Variants in GALNT17 observed in about 807,000 individuals in gnomAD.
The protein encoded by GALNT17 is polypeptide N-acetylgalactosaminyltransferase 17.
GALNT17 carries 29 observed loss-of-function variants against 63.7 expected under a neutral mutation model. That is an observed-to-expected ratio of 0.46 (90% CI 0.34 to 0.62). GALNT17 has a LOEUF of 0.62. Ranked by LOEUF, GALNT17 falls within the 20% of genes least tolerant of loss-of-function variation. The probability of loss-of-function intolerance (pLI) is 0.01; values close to 1 mark genes in which losing one functional copy is unlikely to be tolerated. For synonymous variants in GALNT17, 305 were observed against 318.3 expected (o/e 0.96, Z 0.45); for missense variants, 603 against 799.6 (o/e 0.75, Z 2.97).
intron 1 of GALNT17, among the ~76,000 whole-genome samples, chr7:71,189,252 G>A (rs1182283835): frequency 6.6e-6 from 1 of 152,172 alleles, no homozygotes; most frequent in Non-Finnish European, 1.5e-5. Flanking sequence ...CGCCATGTAA[G>A]ATGTGCCTTT....
chr7:71,587,953 A>C (rs2116911363), intron 6 of GALNT17, among the ~76,000 whole-genome samples: 1 of 152,336 alleles, frequency 6.6e-6, no homozygotes, highest in South Asian at 2.1e-4. Context: ...TGGCACAAGA[A>C]GAAGTTCCTG....
chr7:71,189,400 C>T (rs1793887507), intron 1 of GALNT17, among the ~76,000 whole-genome samples: 2 of 152,188 alleles, frequency 1.3e-5, no homozygotes, highest in South Asian at 4.2e-4. Flanking sequence ...ACAGCTTTTC[C>T]GGGGGTCCTT....
At chr7:71,524,869 T>C (rs2116762835) in intron 5 of GALNT17, among the ~76,000 whole-genome samples, 1 of 152,306 alleles carries the variant, frequency 6.6e-6, no homozygotes, top group Middle Eastern at 3.4e-3. Flanking sequence ...TTTGGAGTCT[T>C]CACATTGTAG....
At chr7:71,375,985 A>G (rs1158604249) in intron 2 of GALNT17, among the ~76,000 whole-genome samples, 1 of 152,118 alleles carries the variant, frequency 6.6e-6, no homozygotes, top group East Asian at 1.9e-4. Flanking sequence ...GGGCTGAGGT[A>G]GGATAATCAG....
At chr7:71,634,712 C>T (rs1002171785) in intron 6 of GALNT17, among the ~76,000 whole-genome samples, 4 of 142,956 alleles carry the variant, frequency 2.8e-5, no homozygotes, top group Admixed American at 7.3e-5. Context: ...CGAGATGGTA[C>T]TACTGCACTC....
At chr7:71,338,358 A>AAT (rs139286792) in intron 2 of GALNT17, among the ~76,000 whole-genome samples, 47,086 of 147,880 alleles carry the variant, frequency 0.32, 8,220 homozygotes, top group Non-Finnish European at 0.39. Context: ...AAAATAAATA[A>AAT]ATATATATAT....
intron 1 of GALNT17, among the ~76,000 whole-genome samples, chr7:71,170,825 T>A (rs1788534551): frequency 6.6e-6 from 1 of 152,202 alleles, no homozygotes; most frequent in Non-Finnish European, 1.5e-5. Context: ...TGGGGTCATA[T>A]GATTTCGAAC....
At chr7:71,403,582 G>A (rs908727083) in intron 3 of GALNT17, among the ~76,000 whole-genome samples, 14 of 152,198 alleles carry the variant, frequency 9.2e-5, no homozygotes, top group Admixed American at 6.5e-4. Flanking sequence ...GTAACTTAAC[G>A]TGGACATTTC....
chr7:71,426,227 GC>G (rs1273829676), intron 5 of GALNT17, among the ~76,000 whole-genome samples: 1 of 152,182 alleles, frequency 6.6e-6, no homozygotes. Context: ...GTCACTCAAA[GC>G]CACAGGAGCA....
At chr7:71,314,464 G>T (rs550779319) in intron 1 of GALNT17, among the ~76,000 whole-genome samples, 1 of 152,266 alleles carries the variant, frequency 6.6e-6, no homozygotes, top group African/African-American at 2.4e-5. Context: ...AGGCCTTTCA[G>T]TGCTAGTCAA....
chr7:71,710,498 A>C (rs1351753602), intron 9 of GALNT17, among the ~76,000 whole-genome samples: 1 of 151,980 alleles, frequency 6.6e-6, no homozygotes, highest in Non-Finnish European at 1.5e-5. Flanking sequence ...ACAGAGTGAG[A>C]CTCCATCTCA....
intron 6 of GALNT17, among the ~76,000 whole-genome samples, chr7:71,623,170 A>G (rs919650471): frequency 6.6e-5 from 10 of 152,062 alleles, no homozygotes; most frequent in African/African-American, 2.4e-4. Flanking sequence ...AAACTTCCTG[A>G]ATGCAAACCC....
chr7:71,712,366 C>A lies in GALNT17; in HGVS notation c.*220C>A. The A allele has an allele frequency of 2.2e-6, 1 of 453,664 alleles. No homozygotes were observed. Among genetic ancestry groups the A allele is most frequent in the East Asian group, 4.6e-5 (1 of 21,646 alleles). The allele number at this position is 453,664 out of a possible 1,614,324, so 28.1% of individuals were successfully genotyped here. On this transcript the variant is annotated 3_prime_UTR_variant, in exon 11 of 11. Transcript: ENST00000333538. ...TTTCCTGCACCCTGGAAAAGCCCCC[C>A]ACCCTTCCTCTGGGAAACTGACAGC...
intron 1 of GALNT17, among the ~76,000 whole-genome samples, chr7:71,181,896 G>A (rs546423584): frequency 6.8e-6 from 1 of 148,008 alleles, no homozygotes; most frequent in East Asian, 2.0e-4. Flanking sequence ...AAAAAAAAAG[G>A]CTGGCGCGGT....
chr7:71,628,030 G>A (rs550070554), intron 6 of GALNT17, among the ~76,000 whole-genome samples: 2 of 151,668 alleles, frequency 1.3e-5, no homozygotes, highest in African/African-American at 4.8e-5. Context: ...CGCATCTGTG[G>A]TATTAAAATT....
At chr7:71,160,424 G>A (rs908900594) in intron 1 of GALNT17, among the ~76,000 whole-genome samples, 5 of 152,078 alleles carry the variant, frequency 3.3e-5, no homozygotes, top group African/African-American at 1.2e-4. Flanking sequence ...TACATAGTAG[G>A]CTGCTTTCAA....
At chr7:71,295,273 A>C (rs1157384354) in intron 1 of GALNT17, among the ~76,000 whole-genome samples, 1 of 152,034 alleles carries the variant, frequency 6.6e-6, no homozygotes, top group African/African-American at 2.4e-5. Flanking sequence ...CTTCCTTTGG[A>C]CATGTCTAGA....
chr7:71,168,735 G>GTGTGT, intron 1 of GALNT17, among the ~76,000 whole-genome samples: 1 of 146,522 alleles, frequency 6.8e-6, no homozygotes. Context: ...GTGTGTGTGT[G>GTGTGT]GTAAGAGCAC....
intron 6 of GALNT17, among the ~76,000 whole-genome samples, chr7:71,603,453 A>G (rs1332027876): frequency 1.3e-5 from 2 of 152,144 alleles, no homozygotes; most frequent in African/African-American, 4.8e-5. Context: ...CGAAGTGCAT[A>G]TACCAGGTAC....
Sources: allele counts gnomAD v4.1 joint callset (sites outside exome capture counted in the v4.1 genomes callset), GRCh38; gene constraint gnomAD v4.1.1; transcripts MANE v1.5; gene names NCBI Gene and HGNC (gene_info 2026-07-23, HGNC 2026-07-21).